The following TCAIM variants were observed in gnomAD, a reference collection of about 807,000 sequenced individuals.
TCAIM encodes the protein T-cell activation inhibitor, mitochondrial.
TCAIM carries 36 observed loss-of-function variants against 58.6 expected under a neutral mutation model. That is an observed-to-expected ratio of 0.61 (90% confidence interval 0.47 to 0.81). TCAIM has a LOEUF of 0.81. TCAIM is among the 30% of genes least tolerant of loss of function. The pLI is 0.00. For missense variants in TCAIM, 466 were observed against 579.6 expected, an observed-to-expected ratio of 0.80 and a Z score of 2.01; for synonymous variants, 172 against 193.6, an observed-to-expected ratio of 0.89 and a Z score of 0.93.
chr3:44,390,814 A>G (rs528678438), intron 5 of TCAIM, among the ~76,000 whole-genome samples: 1 of 152,308 alleles, frequency 6.6e-6, no homozygotes, highest in Admixed American at 6.5e-5. Context: ...CTACAAAAAA[A>G]TAATAAGAAG....
chr3:44,373,876 A>T (rs1428949570), intron 5 of TCAIM, among the ~76,000 whole-genome samples: 2 of 152,214 alleles, frequency 1.3e-5, no homozygotes, highest in Non-Finnish European at 2.9e-5. Flanking sequence ...AGCTAACCAG[A>T]TCCATTTTAT....
chr3:44,339,912 G>C (rs1375602570), intron 1 of TCAIM: 1 of 152,202 alleles, frequency 6.6e-6, no homozygotes, highest in Non-Finnish European at 1.5e-5. Context: ...GCTTTACGCA[G>C]GACCTGGCCC....
chr3:44,396,374 C>T, intron 6 of TCAIM, 26 bp from the exon 7 acceptor site: 1 of 1,593,380 alleles, frequency 6.3e-7, no homozygotes, highest in Non-Finnish European at 8.5e-7. Flanking sequence ...CACTTGTTAA[C>T]ATGAGTGTGT....
intron 1 of TCAIM, among the ~76,000 whole-genome samples, chr3:44,345,312 CA>C (rs917359549): frequency 6.6e-6 from 1 of 151,778 alleles, no homozygotes; most frequent in Non-Finnish European, 1.5e-5. Context: ...ACAGAAGACG[CA>C]AGGTCCAAAT....
chr3:44,344,469 G>A (rs772332912), intron 1 of TCAIM, among the ~76,000 whole-genome samples: 8 of 152,116 alleles, frequency 5.3e-5, no homozygotes, highest in Non-Finnish European at 1.2e-4. Flanking sequence ...TATTTCTTGC[G>A]GTTCTGGAGT....
At chr3:44,366,357 G>T (rs181442403) in intron 4 of TCAIM, among the ~76,000 whole-genome samples, 10 of 151,192 alleles carry the variant, frequency 6.6e-5, no homozygotes, top group South Asian at 2.1e-4. Flanking sequence ...GTACAATCTC[G>T]GCTCACTGCA....
intron 1 of TCAIM, chr3:44,340,829 C>T (rs1303467873): frequency 6.6e-6 from 1 of 152,106 alleles, no homozygotes; most frequent in Non-Finnish European, 1.5e-5. Flanking sequence ...CTTTGAAAAC[C>T]ACTGCCCTAA....
intron 5 of TCAIM, among the ~76,000 whole-genome samples, chr3:44,376,308 T>G (rs1701564894): frequency 6.6e-6 from 1 of 152,202 alleles, no homozygotes; most frequent in Non-Finnish European, 1.5e-5. Context: ...TGAATTGTAT[T>G]CCAACAAAGC....
At chr3:44,366,580 C>G (rs1191806338) in intron 4 of TCAIM, among the ~76,000 whole-genome samples, 1 of 151,608 alleles carries the variant, frequency 6.6e-6, no homozygotes, top group East Asian at 1.9e-4. Flanking sequence ...ATTCTCCTGC[C>G]TCAGCCTCCA....
intron 10 of TCAIM, among the ~76,000 whole-genome samples, chr3:44,401,925 CAGG>C (rs1262376688): frequency 6.6e-6 from 1 of 152,030 alleles, no homozygotes; most frequent in African/African-American, 2.4e-5. Flanking sequence ...CCCAGCTACT[CAGG>C]AGACTGAGGC....
chr3:44,377,409 G>A (rs1479568008), intron 5 of TCAIM, among the ~76,000 whole-genome samples: 3 of 151,438 alleles, frequency 2.0e-5, no homozygotes, highest in Non-Finnish European at 2.9e-5. Flanking sequence ...GAAATAGAAA[G>A]TTCTACAATA....
chr3:44,403,218 G>A (rs1287858449), intron 10 of TCAIM, among the ~76,000 whole-genome samples: 2 of 152,136 alleles, frequency 1.3e-5, no homozygotes, highest in African/African-American at 4.8e-5. Context: ...GCAGTGAGCC[G>A]AGATCATGCC....
chr3:44,375,564 C>T lies in TCAIM; in HGVS notation c.572+7856C>T, dbSNP rs113272600. ...CAAAACTTCCCACCAGGCCCTGCCTCCAACATTGGGGATTAAATTTCAACG... is the reference window on the plus strand; with the variant it reads ...CAAAACTTCCCACCAGGCCCTGCCTTCAACATTGGGGATTAAATTTCAACG... On this transcript the variant is annotated intron_variant, in intron 5 of 10. Transcript: ENST00000342649. Among the ~76,000 whole-genome samples the T allele has an allele frequency of 5.1e-3, 783 of 152,324 alleles. 3 individuals are homozygous for T. Among genetic ancestry groups the T allele is most frequent in the Middle Eastern group, 0.014 (4 of 294 alleles).
chr3:44,358,266 G>A (rs775803103), intron 3 of TCAIM: 1 of 1,285,370 alleles, frequency 7.8e-7, no homozygotes, highest in Non-Finnish European at 1.1e-6. Context: ...TCCTTATGAT[G>A]CATGCTGCTG....
At chr3:44,360,979 G>T (rs1215740112) in intron 3 of TCAIM, among the ~76,000 whole-genome samples, 1 of 152,074 alleles carries the variant, frequency 6.6e-6, no homozygotes, top group Non-Finnish European at 1.5e-5. Flanking sequence ...GTCTTACACT[G>T]GCAATAATTA....
intron 4 of TCAIM, among the ~76,000 whole-genome samples, chr3:44,362,048 G>A (rs1424353524): frequency 6.6e-6 from 1 of 152,048 alleles, no homozygotes; most frequent in African/African-American, 2.4e-5. Flanking sequence ...TAAAATTAAG[G>A]ACAAATATTT....
chr3:44,370,017 A>C lies in TCAIM; in HGVS notation c.572+2309A>C, dbSNP rs552606358. Among the ~76,000 whole-genome samples, 3 of 152,318 alleles carry C rather than the reference A, an allele frequency of 2.0e-5. No homozygotes were observed. In the East Asian group the frequency reaches 5.8e-4, roughly 29 times the overall value. On this transcript the variant is annotated intron_variant, in intron 5 of 10. Coordinates refer to ENST00000342649, the MANE Select transcript of TCAIM (RefSeq NM_173826.4). ...TTAATGTTAACTAAAAAAATCTGCT[A>C]TTTTTAGTGAAAGATACATTGTCTT...
At position 44,397,506 on chromosome 3, in the gene TCAIM, A is replaced by G. The variant is rs897502189; in HGVS notation, c.885+672A>G. ...TACTGCGTACTATTTCATGGTATAAATATACCACAGTTTGTTTATTCATTC... is the reference window on the plus strand; with the variant it reads ...TACTGCGTACTATTTCATGGTATAAGTATACCACAGTTTGTTTATTCATTC... On this transcript the variant is annotated intron_variant, in intron 8 of 10. Transcript: ENST00000342649. Among the ~76,000 whole-genome samples the G allele has an allele frequency of 2.0e-5, 3 of 152,354 alleles. No homozygotes were observed. In the South Asian group the frequency reaches 6.2e-4, roughly 32 times the overall value.
intron 4 of TCAIM, among the ~76,000 whole-genome samples, chr3:44,366,087 A>T (rs924222320): frequency 3.9e-5 from 6 of 152,218 alleles, no homozygotes; most frequent in Non-Finnish European, 8.8e-5. Flanking sequence ...CTTCATTCTT[A>T]ATCTATGTTC....
Sources: gnomAD v4.1 joint callset for allele counts (sites outside exome capture counted in the v4.1 genomes callset) on GRCh38, gnomAD v4.1.1 for gene constraint, MANE v1.5 for transcripts, NCBI Gene and HGNC (gene_info 2026-07-23, HGNC 2026-07-21) for gene names.